The following CILK1 variants were observed in gnomAD, a reference collection of about 807,000 sequenced individuals.
The protein encoded by CILK1 is serine/threonine-protein kinase ICK.
Under a neutral mutation model 79.2 loss-of-function variants are expected in CILK1, and 47 were observed. That is an observed-to-expected ratio of 0.59 (90% CI 0.47 to 0.76). The LOEUF is 0.76. CILK1 is among the 30% of genes least tolerant of loss of function. The pLI, the probability that CILK1 is intolerant of heterozygous loss-of-function variation, is 0.00. For missense variants in CILK1, 660 were observed against 769.5 expected (o/e 0.86, Z 1.68); for synonymous variants, 266 against 275.9 (o/e 0.96, Z 0.36).
chr6:53,046,861 G>C (rs772844925), intron 1 of CILK1, among the ~76,000 whole-genome samples: 1 of 152,168 alleles, frequency 6.6e-6, no homozygotes, highest in African/African-American at 2.4e-5. Context: ...GGGAGGAGGA[G>C]AGAGATCTGA....
chr6:53,027,801 T>C (rs1043736500), intron 5 of CILK1, among the ~76,000 whole-genome samples: 2 of 152,020 alleles, frequency 1.3e-5, no homozygotes, highest in African/African-American at 2.4e-5. Context: ...CAGCAGGAGT[T>C]GGAGACCAGG....
chr6:53,035,956 G>A (rs900133357), intron 3 of CILK1, among the ~76,000 whole-genome samples: 17 of 151,890 alleles, frequency 1.1e-4, no homozygotes, highest in Non-Finnish European at 1.8e-4. Context: ...CCCAACAAGC[G>A]CGTGGGTGTG....
rs1376727890 is a variant in CILK1 at position 53,004,854 on chromosome 6, G to A, written c.*295C>T. Reference sequence around the variant, plus strand: ...TTTTTAAAAAGTTCATTACAAAGTTGACTGTATAAAATGCTAAAACATAAT... The same window carrying A: ...TTTTTAAAAAGTTCATTACAAAGTTAACTGTATAAAATGCTAAAACATAAT... On this transcript the variant is annotated 3_prime_UTR_variant, in exon 14 of 14. Transcript: ENST00000676107. The A allele has an allele frequency of 1.2e-5, 3 of 259,630 alleles. No homozygotes were observed. The East Asian group carries it at 2.5e-4, about 21-fold the overall frequency. The allele number at this position is 259,630 out of a possible 1,614,324, so 16.1% of individuals were successfully genotyped here.
intron 5 of CILK1, among the ~76,000 whole-genome samples, chr6:53,022,672 T>C (rs948103227): frequency 6.6e-6 from 1 of 152,264 alleles, no homozygotes; most frequent in African/African-American, 2.4e-5. Flanking sequence ...CCTTTTTGTC[T>C]ACATCAATCC....
intron 3 of CILK1, 125 bp from the exon 4 acceptor site, chr6:53,032,779 A>C: frequency 1.5e-6 from 1 of 686,862 alleles, no homozygotes; most frequent in Non-Finnish European, 2.4e-6. Flanking sequence ...GAAATGTGCT[A>C]AATTATATTT....
intron 1 of CILK1, among the ~76,000 whole-genome samples, chr6:53,050,181 C>T (rs1767381166): frequency 6.6e-6 from 1 of 152,088 alleles, no homozygotes; most frequent in Non-Finnish European, 1.5e-5. Context: ...AAATTTGATA[C>T]TTGACAAGAC....
rs767603729 is a variant in CILK1, at chr6:53,013,953, T to C, written c.861A>G (p.Gly287=). The C allele has an allele frequency of 1.1e-5, 17 of 1,613,912 alleles. No individual in the cohort carries two copies. In the Admixed American group the frequency reaches 1.7e-4, roughly 16 times the overall value. Residue 287 remains glycine, a synonymous_variant, in exon 9 of 14, where the codon GGA becomes GGG. Coordinates refer to ENST00000676107, the MANE Select transcript of CILK1 (RefSeq NM_014920.5). ...TTTGTGTGGTGCTGCCTAGTGGGTG[T>C]CCAACTTGGAAGTAAGGATATCGAA... The part of the protein sequence containing the change: ...QALRYPYFQV[G]HPLGSTTQNL...
At chr6:53,032,446 G>T in intron 4 of CILK1, 87 bp downstream of exon 4, 2 of 775,836 alleles carry the variant, frequency 2.6e-6, no homozygotes, top group Non-Finnish European at 3.6e-6. Flanking sequence ...AGAAAAAAAG[G>T]AGAGAAAGAA....
rs934786565 is a variant in CILK1 at position 53,002,304 on chromosome 6, C to T, written c.*2845G>A. On this transcript the variant is annotated 3_prime_UTR_variant, in exon 14 of 14. Coordinates refer to ENST00000676107, the MANE Select transcript of CILK1 (RefSeq NM_014920.5). The stretch of plus-strand genomic sequence containing the variant: ...TCGTCACTGAATTTCTGTCTCATTT[C>T]GGCACGAAATGAGAACCAACCCTGT... 4.6e-5 allele frequency: 7 copies of T among 152,138 alleles called. No homozygotes were observed. The highest frequency in any genetic ancestry group is 8.8e-5 in the Non-Finnish European group (6 of 68,042). The allele number at this position is 152,138 out of a possible 1,614,324, so 9.4% of individuals were successfully genotyped here.
intron 1 of CILK1, among the ~76,000 whole-genome samples, chr6:53,059,657 T>C (rs1346244679): frequency 6.6e-6 from 1 of 152,162 alleles, no homozygotes; most frequent in Non-Finnish European, 1.5e-5. Context: ...AGTGCAGAGA[T>C]GCATGCTGAA....
In CILK1 at chr6:53,035,661, G is replaced by A. The variant is rs2127444678; in HGVS notation, c.156+2278C>T. ...CAGGCAGGCAGCAATGAGGAGAAAG[G>A]AAGAAGGAACAGTGGCGTGGTGAGT... On this transcript the variant is annotated intron_variant, in intron 3 of 13. Transcript: ENST00000676107. Among the ~76,000 whole-genome samples, 2 of 152,308 alleles carry A rather than the reference G, an allele frequency of 1.3e-5. 1 individual carries two copies. Among genetic ancestry groups the A allele is most frequent in the South Asian group, 4.1e-4 (2 of 4,828 alleles).
rs967215890 is a variant in CILK1, at chr6:53,059,115, A to G, written c.-173+2481T>C. On this transcript the variant is annotated intron_variant, in intron 1 of 13. Coordinates refer to ENST00000676107, the MANE Select transcript of CILK1 (RefSeq NM_014920.5). ...AGGCCTCCAGGCTGAGTGTTCAGGAATTGGACTCTGTTAAGTTACTGTCAA... is the reference window on the plus strand; with the variant it reads ...AGGCCTCCAGGCTGAGTGTTCAGGAGTTGGACTCTGTTAAGTTACTGTCAA... Among the ~76,000 whole-genome samples, 14 of 152,168 alleles carry G rather than the reference A, an allele frequency of 9.2e-5. 1 individual carries two copies. Among genetic ancestry groups the G allele is most frequent in the African/African-American group, 3.4e-4 (14 of 41,440 alleles).
At chr6:53,015,013 AAAGTCTTACG>A (rs1209333620) in intron 8 of CILK1, among the ~76,000 whole-genome samples, 1 of 152,218 alleles carries the variant, frequency 6.6e-6, no homozygotes, top group Non-Finnish European at 1.5e-5. Context: ...TGAGCCATCC[AAAGTCTTACG>A]GCACCAAATT....
chr6:53,014,417 G>A (rs1764773533), intron 8 of CILK1, among the ~76,000 whole-genome samples: 1 of 152,142 alleles, frequency 6.6e-6, no homozygotes, highest in Non-Finnish European at 1.5e-5. Flanking sequence ...TACAAAATAA[G>A]CAGGCACATA....
In CILK1 at chr6:53,006,423, T is replaced by A. The variant is rs746235785; in HGVS notation, c.1636A>T (p.Thr546Ser). 1.2e-6 allele frequency: 2 copies of A among 1,613,934 alleles called. No homozygotes were observed. The highest frequency in any genetic ancestry group is 2.7e-5 in the African/African-American group (2 of 75,050). Residue 546 changes from threonine to serine, a missense_variant, in exon 13 of 14, where the codon ACA (threonine) becomes TCA (serine). Thr to Ser is a moderately conservative substitution (Grantham distance 58). Coordinates refer to ENST00000676107, the MANE Select transcript of CILK1 (RefSeq NM_014920.5). ...TTTCCAGTCAGTCCACTAGAACTTG[T>A]AGAGCTGGAACCAACTGATTTGCAA... is the stretch of plus-strand genomic sequence containing the variant. Reference protein sequence around the residue: ...SKVNSVGSSSTSSSGLTGNYV... With the variant: ...SKVNSVGSSSSSSSGLTGNYV...
chr6:53,033,587 T>G (rs750529889), intron 3 of CILK1, among the ~76,000 whole-genome samples: 2 of 152,184 alleles, frequency 1.3e-5, no homozygotes, highest in African/African-American at 2.4e-5. Context: ...AAGTGTCACT[T>G]TGGCCAGTGA....
At chr6:53,006,232 G>T in intron 13 of CILK1, 83 bp downstream of exon 13, 1 of 1,328,970 alleles carries the variant, frequency 7.5e-7, no homozygotes, top group Admixed American at 1.7e-5. Context: ...GTGGATCCCA[G>T]GCCTAAAACA....
In CILK1 at chr6:53,019,231, T is replaced by G. The variant is rs776352229; in HGVS notation, c.487A>C (p.Arg163=). The G allele has an allele frequency of 3.8e-5, 61 of 1,613,448 alleles. No individual in the cohort carries two copies. The highest frequency in any genetic ancestry group is 4.9e-5 in the Non-Finnish European group (58 of 1,179,486). The change falls in exon 6 of 14, where the codon AGA becomes CGA. Residue 163 remains arginine (R), a synonymous_variant. Transcript: ENST00000676107. ...TTTGAGAAAAATGGTATTCACCATC[T>G]GGTAGATACATAATCTGTATATGGA... is the stretch of plus-strand genomic sequence containing the variant. The part of the protein sequence containing the change: ...KPPYTDYVST[R]WYRAPEVLLR...
chr6:53,009,356 C>T (rs1764422813), intron 12 of CILK1, 83 bp downstream of exon 12: 1 of 1,364,832 alleles, frequency 7.3e-7, no homozygotes, highest in Non-Finnish European at 1.0e-6. Context: ...CTTCCAAAGC[C>T]CGTCCCATGA....
Sources: allele counts gnomAD v4.1 joint callset (sites outside exome capture counted in the v4.1 genomes callset), GRCh38; gene constraint gnomAD v4.1.1; transcripts MANE v1.5; gene names NCBI Gene and HGNC (gene_info 2026-07-23, HGNC 2026-07-21).